Variants in LRRC36 observed in about 807,000 individuals in gnomAD.
LRRC36 encodes the protein leucine-rich repeat-containing protein 36.
A neutral mutation model predicts 81.1 loss-of-function variants in LRRC36; 62 were observed. That is an observed-to-expected ratio of 0.76 (90% CI 0.62 to 0.94). The LOEUF (loss-of-function observed/expected upper bound fraction) is 0.94, where lower values mean the gene tolerates loss of function less well. LRRC36 is among the 40% of genes least tolerant of loss of function. LRRC36 has a pLI of 0.00. For missense variants in LRRC36, 761 were observed against 881.7 expected (o/e 0.86, Z 1.73); for synonymous variants, 334 against 348.6 (o/e 0.96, Z 0.47).
At chr16:67,342,734 T>G (rs994125275) in intron 2 of LRRC36, among the ~76,000 whole-genome samples, 22 of 152,208 alleles carry the variant, frequency 1.4e-4, no homozygotes, top group African/African-American at 5.3e-4. Context: ...AAATACTGCT[T>G]CTTCCTCATG....
chr16:67,333,098 A>G (rs2037577396), intron 1 of LRRC36, among the ~76,000 whole-genome samples: 7 of 151,848 alleles, frequency 4.6e-5, no homozygotes, highest in Admixed American at 4.6e-4. Context: ...TTTTAAAAAG[A>G]TATAATTCAC....
At chr16:67,372,009 T>C (rs2039666720) in intron 9 of LRRC36, 1 of 152,376 alleles carries the variant, frequency 6.6e-6, no homozygotes, top group Non-Finnish European at 1.5e-5. Context: ...CAGAGAATGA[T>C]TTAAAAATCA....
intron 1 of LRRC36, among the ~76,000 whole-genome samples, chr16:67,331,414 A>C (rs531196452): frequency 6.6e-6 from 1 of 152,166 alleles, no homozygotes; most frequent in Admixed American, 6.5e-5. Flanking sequence ...AGTCCCAGCT[A>C]CTCAGGAGGC....
At chr16:67,357,889 A>G (rs1338049919) in intron 5 of LRRC36, among the ~76,000 whole-genome samples, 1 of 152,204 alleles carries the variant, frequency 6.6e-6, no homozygotes, top group Non-Finnish European at 1.5e-5. Flanking sequence ...CTGTATCTGT[A>G]TGATAAAGCC....
At chr16:67,342,399 C>T (rs1259961648) in intron 2 of LRRC36, among the ~76,000 whole-genome samples, 1 of 151,932 alleles carries the variant, frequency 6.6e-6, no homozygotes, top group Non-Finnish European at 1.5e-5. Context: ...ATTCTCAGTC[C>T]CTACTGTGAG....
Position 67,363,595 on chromosome 16 carries a change from A to C in LRRC36, c.583A>C (p.Asn195His). The change falls in exon 6 of 14, where the codon AAC (asparagine) becomes CAC (histidine). Residue 195 changes from asparagine (N) to histidine (H), a missense_variant. Asn to His is a moderately conservative substitution (Grantham distance 68). Coordinates refer to ENST00000329956, the MANE Select transcript of LRRC36 (RefSeq NM_018296.6). ...TGCTTTTTCTTTTAACACAGACTCAAACAAAGGACTTTTTATTCCCTTCCC... is the reference window on the plus strand; with the variant it reads ...TGCTTTTTCTTTTAACACAGACTCACACAAAGGACTTTTTATTCCCTTCCC... Reference protein sequence around the residue: ...NVDSRIEMDSNKGLFIPFPNR... With the variant: ...NVDSRIEMDSHKGLFIPFPNR... 1 of 1,613,802 alleles carries C rather than the reference A, an allele frequency of 6.2e-7. No homozygotes were observed. The highest frequency in any genetic ancestry group is 1.1e-5 in the South Asian group (1 of 91,072).
intron 8 of LRRC36, among the ~76,000 whole-genome samples, chr16:67,369,132 A>T (rs760388620): frequency 6.6e-6 from 1 of 152,212 alleles, no homozygotes; most frequent in Non-Finnish European, 1.5e-5. Flanking sequence ...TTTGGAGATT[A>T]TAAGTGTATG....
intron 1 of LRRC36, among the ~76,000 whole-genome samples, chr16:67,328,077 A>G (rs2037286930): frequency 6.6e-6 from 1 of 152,196 alleles, no homozygotes; most frequent in African/African-American, 2.4e-5. Flanking sequence ...TATGATGTGC[A>G]GTCAAGAACA....
At chr16:67,363,562 T>C in intron 5 of LRRC36, 28 bp from the exon 6 acceptor site, 1 of 1,612,074 alleles carries the variant, frequency 6.2e-7, no homozygotes, top group Non-Finnish European at 8.5e-7. Context: ...AGTGAGTGCT[T>C]TATTGTTTGC....
intron 1 of LRRC36, among the ~76,000 whole-genome samples, chr16:67,339,745 C>A (rs747483160): frequency 3.9e-5 from 6 of 152,128 alleles, no homozygotes; most frequent in Non-Finnish European, 7.4e-5. Context: ...CTTTTATTTC[C>A]TTTGCATCTA....
chr16:67,376,614 A>C (rs1371110885), intron 10 of LRRC36, 113 bp from the exon 11 acceptor site: 13 of 1,094,422 alleles, frequency 1.2e-5, no homozygotes, highest in Non-Finnish European at 1.6e-5. Context: ...GTTCTGGTAA[A>C]AAGGAGATAA....
rs1212101584 is a variant in LRRC36, at chr16:67,352,021, G to C, written c.577+1731G>C. ...ATTTCCAGACAGAGAAAAATACATT[G>C]AAGCATAATTTGACAACCTGTTTTT... On this transcript the variant is annotated intron_variant, in intron 5 of 13. Transcript: ENST00000329956. Among the ~76,000 whole-genome samples, 4 of 152,018 alleles carry C rather than the reference G, an allele frequency of 2.6e-5. No individual in the cohort carries two copies. The South Asian group carries it at 8.3e-4, about 32-fold the overall frequency.
intron 2 of LRRC36, among the ~76,000 whole-genome samples, chr16:67,344,726 G>A (rs762538989): frequency 3.3e-4 from 50 of 152,162 alleles, no homozygotes; most frequent in Non-Finnish European, 6.3e-4. Flanking sequence ...TAACAATATG[G>A]AAGTTAATGG....
chr16:67,345,425 C>A (rs1487904521), intron 2 of LRRC36, among the ~76,000 whole-genome samples: 1 of 151,856 alleles, frequency 6.6e-6, no homozygotes, highest in African/African-American at 2.4e-5. Flanking sequence ...AAGATGAAAT[C>A]TTTTCAATAG....
Position 67,385,094 on chromosome 16 carries a change from A to G in LRRC36, c.*5A>G, listed in dbSNP as rs756635395. On this transcript the variant is annotated 3_prime_UTR_variant, in exon 14 of 14. Transcript: ENST00000329956. ...GCCCCAGAGCCTGGCTTATAGAGCTAGCATGGAACTCACACCACAGCTTCC... is the reference window on the plus strand; with the variant it reads ...GCCCCAGAGCCTGGCTTATAGAGCTGGCATGGAACTCACACCACAGCTTCC... 1 of 1,609,146 alleles carries G rather than the reference A, an allele frequency of 6.2e-7. No homozygotes were observed.
At position 67,375,483 on chromosome 16, in the gene LRRC36, C is replaced by T. The variant is rs1471544976; in HGVS notation, c.1660+71C>T. On this transcript the variant is annotated intron_variant, in intron 10 of 13. Transcript: ENST00000329956. ...CTCTGCTCTGTGTTCTGCTAAAAGCCACTTAGCTCTCTTCACTTGCAAGGA... is the reference window on the plus strand; with the variant it reads ...CTCTGCTCTGTGTTCTGCTAAAAGCTACTTAGCTCTCTTCACTTGCAAGGA... 6 of 1,331,562 alleles carry T rather than the reference C, an allele frequency of 4.5e-6. No homozygotes were observed. The African/African-American group carries it at 4.5e-5, about 10-fold the overall frequency. The allele number at this position is 1,331,562 out of a possible 1,614,324, so 82.5% of individuals were successfully genotyped here. A position where few individuals can be genotyped will look rare whatever the true frequency, so the allele number is the denominator to read the frequency against.
At chr16:67,358,455 G>A (rs2038996995) in intron 5 of LRRC36, among the ~76,000 whole-genome samples, 1 of 151,454 alleles carries the variant, frequency 6.6e-6, no homozygotes, top group Non-Finnish European at 1.5e-5. Context: ...TGATATTCCT[G>A]CCTCCTGAGT....
chr16:67,346,141 C>T (rs745731012), intron 2 of LRRC36, 115 bp from the exon 3 acceptor site: 80 of 662,366 alleles, frequency 1.2e-4, no homozygotes, highest in African/African-American at 3.8e-4. Flanking sequence ...GCCTTTCTCA[C>T]GGGGACTTGG....
At chr16:67,377,546 G>A (rs2039949475) in intron 11 of LRRC36, among the ~76,000 whole-genome samples, 1 of 151,762 alleles carries the variant, frequency 6.6e-6, no homozygotes, top group Admixed American at 6.6e-5. Context: ...TGGCCGAGGT[G>A]GTCTCAAACT....
Sources: allele counts gnomAD v4.1 joint callset (sites outside exome capture counted in the v4.1 genomes callset), GRCh38; gene constraint gnomAD v4.1.1; transcripts MANE v1.5; gene names NCBI Gene and HGNC (gene_info 2026-07-23, HGNC 2026-07-21).